The following MCTP1 variants were observed in gnomAD, a reference collection of about 807,000 sequenced individuals.
The protein encoded by MCTP1 is multiple C2 and transmembrane domain containing 1.
In MCTP1, 69 loss-of-function variants were observed where a neutral mutation model predicts 120.6. The observed-to-expected ratio is 0.57, with a 90% CI of 0.47 to 0.70. The LOEUF is 0.70. Among genes scored for constraint, MCTP1 ranks in the 30% least tolerant of loss-of-function variants. The probability of loss-of-function intolerance (pLI) is 0.00; values close to 1 mark genes in which losing one functional copy is unlikely to be tolerated. For missense variants in MCTP1, 1,203 were observed against 1,248.8 expected (o/e 0.96, Z 0.55); for synonymous variants, 529 against 493.1 (o/e 1.07, Z -0.96).
intron 1 of MCTP1, among the ~76,000 whole-genome samples, chr5:95,227,577 T>C (rs1015293462): frequency 4.1e-4 from 62 of 152,164 alleles, no homozygotes; most frequent in African/African-American, 1.3e-3. Context: ...ATAGGAATCA[T>C]AGGAATCATA....
At chr5:95,134,954 T>C (rs1759320428) in intron 1 of MCTP1, among the ~76,000 whole-genome samples, 1 of 130,428 alleles carries the variant, frequency 7.7e-6, no homozygotes, top group Non-Finnish European at 1.5e-5. Context: ...TAAGTTCCAT[T>C]GCTCTTCAAG....
Position 94,996,209 on chromosome 5 carries a change from T to A in MCTP1, c.838+21158A>T, listed in dbSNP as rs575739773. 1.1e-4 allele frequency among the ~76,000 whole-genome samples: 17 copies of A among 152,238 alleles called. No individual in the cohort carries two copies. The East Asian group carries it at 3.3e-3, about 29-fold the overall frequency. ...AAGGAGGCCTAATTAACTGAAAAAA[T>A]TTGTATACATGTCTTATAGAACATG... is the stretch of plus-strand genomic sequence containing the variant. On this transcript the variant is annotated intron_variant, in intron 2 of 22. Coordinates refer to ENST00000515393, the MANE Select transcript of MCTP1 (RefSeq NM_024717.7).
chr5:95,262,725 A>C (rs1323272645), intron 1 of MCTP1, among the ~76,000 whole-genome samples: 1 of 152,170 alleles, frequency 6.6e-6, no homozygotes, highest in Admixed American at 6.6e-5. Flanking sequence ...AAAACTCAAA[A>C]AATTGTGGCT....
chr5:95,079,803 C>T (rs1754464088), intron 1 of MCTP1, among the ~76,000 whole-genome samples: 1 of 151,740 alleles, frequency 6.6e-6, no homozygotes, highest in South Asian at 2.1e-4. Context: ...TTAATATCAC[C>T]AGCACAAGAA....
At chr5:95,084,240 A>T (rs543291782) in intron 1 of MCTP1, among the ~76,000 whole-genome samples, 5 of 152,180 alleles carry the variant, frequency 3.3e-5, no homozygotes, top group African/African-American at 9.6e-5. Context: ...TGTTACATTT[A>T]AAAAAAATTT....
intron 10 of MCTP1, among the ~76,000 whole-genome samples, chr5:94,903,163 A>G (rs995693033): frequency 6.6e-6 from 1 of 152,048 alleles, no homozygotes; most frequent in Non-Finnish European, 1.5e-5. Flanking sequence ...AAAAAATAGT[A>G]AAATACAATG....
intron 1 of MCTP1, among the ~76,000 whole-genome samples, chr5:95,024,675 A>ACT (rs1554185318): frequency 6.6e-6 from 1 of 151,826 alleles, no homozygotes; most frequent in Non-Finnish European, 1.5e-5. Context: ...ACACACACAC[A>ACT]CACCCCTAAA....
At chr5:95,118,766 C>A (rs1279692092) in intron 1 of MCTP1, among the ~76,000 whole-genome samples, 1 of 151,950 alleles carries the variant, frequency 6.6e-6, no homozygotes, top group Non-Finnish European at 1.5e-5. Flanking sequence ...GATTTCAAGA[C>A]AAAAATCATA....
At chr5:94,925,060 T>A (rs990988981) in intron 6 of MCTP1, among the ~76,000 whole-genome samples, 3 of 152,220 alleles carry the variant, frequency 2.0e-5, no homozygotes, top group South Asian at 2.1e-4. Context: ...AAATTTATAT[T>A]TCATTTTACA....
At chr5:94,973,171 G>A (rs1827284911) in intron 2 of MCTP1, among the ~76,000 whole-genome samples, 1 of 152,142 alleles carries the variant, frequency 6.6e-6, no homozygotes, top group Non-Finnish European at 1.5e-5. Flanking sequence ...GCTTGACCTG[G>A]TTACCTAACT....
At chr5:95,067,040 G>A (rs1419016360) in intron 1 of MCTP1, among the ~76,000 whole-genome samples, 2 of 149,992 alleles carry the variant, frequency 1.3e-5, no homozygotes, top group Non-Finnish European at 2.9e-5. Flanking sequence ...GTGCTGCCCC[G>A]TTCCTGAGAG....
intron 1 of MCTP1, among the ~76,000 whole-genome samples, chr5:95,276,714 C>T (rs980837165): frequency 4.0e-5 from 6 of 151,044 alleles, no homozygotes; most frequent in Non-Finnish European, 7.4e-5. Flanking sequence ...CTTTGGGAGG[C>T]GGCTGAGGCA....
intron 2 of MCTP1, among the ~76,000 whole-genome samples, chr5:94,988,093 T>C (rs1199991360): frequency 6.6e-6 from 1 of 152,214 alleles, no homozygotes; most frequent in Admixed American, 6.5e-5. Context: ...TCAGCAATGA[T>C]GTCTTCCAAG....
At chr5:94,888,252 AAT>A (rs1271842068) in intron 12 of MCTP1, among the ~76,000 whole-genome samples, 1 of 152,196 alleles carries the variant, frequency 6.6e-6, no homozygotes, top group Non-Finnish European at 1.5e-5. Context: ...CCTGTTTGTT[AAT>A]ATGTTACAGA....
At chr5:94,891,759 T>A (rs1044788656) in intron 11 of MCTP1, among the ~76,000 whole-genome samples, 2 of 144,846 alleles carry the variant, frequency 1.4e-5, no homozygotes, top group African/African-American at 2.8e-5. Flanking sequence ...AATAAATAAA[T>A]AAATAAATAA....
At chr5:95,120,268 A>G (rs1758129082) in intron 1 of MCTP1, among the ~76,000 whole-genome samples, 1 of 152,082 alleles carries the variant, frequency 6.6e-6, no homozygotes, top group Admixed American at 6.5e-5. Context: ...AGAAGAACTA[A>G]TATCAATCCT....
At chr5:94,941,268 G>A (rs1817642264) in intron 4 of MCTP1, among the ~76,000 whole-genome samples, 1 of 151,868 alleles carries the variant, frequency 6.6e-6, no homozygotes, top group Admixed American at 6.6e-5. Context: ...CATGATAATA[G>A]ACTCCATGCA....
At chr5:94,940,034 C>T in intron 5 of MCTP1, 50 bp downstream of exon 5, 4 of 1,106,764 alleles carry the variant, frequency 3.6e-6, no homozygotes, top group Non-Finnish European at 4.0e-6. Context: ...GAGAAAGGCT[C>T]ACAACTTTCA....
intron 1 of MCTP1, among the ~76,000 whole-genome samples, chr5:95,161,341 A>G (rs1443436200): frequency 6.6e-6 from 1 of 152,174 alleles, no homozygotes; most frequent in Non-Finnish European, 1.5e-5. Flanking sequence ...TAAGCCAGGC[A>G]TAGAGAGACA....
Sources: allele counts gnomAD v4.1 joint callset (sites outside exome capture counted in the v4.1 genomes callset), GRCh38; gene constraint gnomAD v4.1.1; transcripts MANE v1.5; gene names NCBI Gene and HGNC (gene_info 2026-07-23, HGNC 2026-07-21).